Variants in TTC28 observed in about 807,000 individuals in gnomAD.
TTC28 encodes the protein tetratricopeptide repeat protein 28.
In TTC28, 61 loss-of-function variants were observed where a neutral mutation model predicts 198.0. That is an observed-to-expected ratio of 0.31 (90% CI 0.25 to 0.38). The LOEUF (loss-of-function observed/expected upper bound fraction) is 0.38, where lower values mean the gene tolerates loss of function less well. Ranked by LOEUF, TTC28 falls within the 10% of genes least tolerant of loss-of-function variation. The probability of loss-of-function intolerance (pLI) is 1.00; values close to 1 mark genes in which losing one functional copy is unlikely to be tolerated. For missense variants in TTC28, 2,678 were observed against 3,164.0 expected (o/e 0.85, Z 3.69); for synonymous variants, 1,171 against 1,297.8 (o/e 0.90, Z 2.10).
intron 2 of TTC28, among the ~76,000 whole-genome samples, chr22:28,424,666 C>T (rs935754102): frequency 6.6e-6 from 1 of 152,112 alleles, no homozygotes; most frequent in African/African-American, 2.4e-5. Flanking sequence ...TATTTGGCTT[C>T]GATATGAGGT....
At chr22:28,637,336 G>C (rs1320394850) in intron 1 of TTC28, among the ~76,000 whole-genome samples, 1 of 152,106 alleles carries the variant, frequency 6.6e-6, no homozygotes, top group Non-Finnish European at 1.5e-5. Context: ...AATCTATTTT[G>C]AGTTTATTTT....
intron 5 of TTC28, among the ~76,000 whole-genome samples, chr22:28,287,033 A>C (rs1364824766): frequency 2.0e-5 from 3 of 152,206 alleles, no homozygotes; most frequent in Admixed American, 1.3e-4. Flanking sequence ...ATTCTAAGAC[A>C]TACATATATG....
At chr22:28,534,942 G>C (rs904630091) in intron 2 of TTC28, among the ~76,000 whole-genome samples, 26 of 152,042 alleles carry the variant, frequency 1.7e-4, no homozygotes, top group African/African-American at 5.6e-4. Flanking sequence ...GGGGTAGTAT[G>C]AGGAGATATA....
intron 12 of TTC28, among the ~76,000 whole-genome samples, chr22:28,079,608 A>G (rs1381603673): frequency 1.3e-5 from 2 of 152,186 alleles, no homozygotes; most frequent in African/African-American, 4.8e-5. Flanking sequence ...AATCACACAC[A>G]AAAAGACAAA....
chr22:28,337,411 C>T lies in TTC28; in HGVS notation c.382-30768G>A, dbSNP rs536705482. Reference sequence around the variant, plus strand: ...GGATATCCTTGTTAACTTTCTGTCTCGTTGATCTGTCTAATGTTGACAGTG... The same window carrying T: ...GGATATCCTTGTTAACTTTCTGTCTTGTTGATCTGTCTAATGTTGACAGTG... On this transcript the variant is annotated intron_variant, in intron 2 of 22. Coordinates refer to ENST00000397906, the MANE Select transcript of TTC28 (RefSeq NM_001145418.2). 1.4e-4 allele frequency among the ~76,000 whole-genome samples: 21 copies of T among 152,180 alleles called. No homozygotes were observed. In the East Asian group the frequency reaches 2.3e-3, roughly 17 times the overall value.
chr22:27,983,402 TC>T lies in TTC28; in HGVS notation c.6264del (p.Thr2089GlnfsTer5). On this transcript the variant is annotated frameshift_variant, in exon 23 of 23. Transcript: ENST00000397906. LOFTEE classifies it low-confidence loss of function (END_TRUNC). ...ACCGAGACTCTCATGCCTCCGGCTGTCCCAGGTTGGGGTTGTTTGTGGTCTG... is the reference window on the plus strand; with the variant it reads ...ACCGAGACTCTCATGCCTCCGGCTGTCCAGGTTGGGGTTGTTTGTGGTCTG... ...FSPDHKQPQPGTAGGMRVSVS... is the reference protein window; with the variant it reads ...FSPDHKQPQPXTAGGMRVSVS... 1.3e-6 allele frequency: 2 copies of T among 1,551,340 alleles called. No homozygotes were observed. Among genetic ancestry groups the T allele is most frequent in the Non-Finnish European group, 1.7e-6 (2 of 1,147,026 alleles).
At chr22:28,276,559 A>G (rs1453613185) in intron 5 of TTC28, among the ~76,000 whole-genome samples, 1 of 152,190 alleles carries the variant, frequency 6.6e-6, no homozygotes, top group Non-Finnish European at 1.5e-5. Flanking sequence ...AATTAATAGA[A>G]CATCCCTAAT....
intron 6 of TTC28, among the ~76,000 whole-genome samples, chr22:28,120,337 G>A (rs1259953602): frequency 6.6e-6 from 1 of 151,904 alleles, no homozygotes; most frequent in African/African-American, 2.4e-5. Flanking sequence ...AACATTTTAG[G>A]GCTCTCATCT....
intron 2 of TTC28, among the ~76,000 whole-genome samples, chr22:28,389,270 C>T (rs1410691372): frequency 2.0e-5 from 3 of 152,148 alleles, no homozygotes; most frequent in South Asian, 4.2e-4. Flanking sequence ...ATTTTTGCAT[C>T]GATGTTCATC....
intron 5 of TTC28, among the ~76,000 whole-genome samples, chr22:28,232,388 C>G (rs1928879637): frequency 6.6e-6 from 1 of 152,216 alleles, no homozygotes; most frequent in African/African-American, 2.4e-5. Flanking sequence ...GGCAGCCTTT[C>G]AGGCATAGGA....
At chr22:28,059,047 T>C (rs1390508234) in intron 12 of TTC28, among the ~76,000 whole-genome samples, 1 of 151,998 alleles carries the variant, frequency 6.6e-6, no homozygotes, top group South Asian at 2.1e-4. Flanking sequence ...TCCAAAGAAG[T>C]GATTTTAGCT....
chr22:28,410,034 G>A (rs1056952909), intron 2 of TTC28, among the ~76,000 whole-genome samples: 1 of 151,940 alleles, frequency 6.6e-6, no homozygotes, highest in Non-Finnish European at 1.5e-5. Flanking sequence ...CGATTCTCCT[G>A]CCTCAGCCTG....
rs552983121 is a variant in TTC28 at position 28,151,570 on chromosome 22, GA to G, written c.1441+11521del. ...GGGTGACAAATCTTGACCTAAAGGA[GA>G]GAATAAATATTATTAATATGTATTA... is the stretch of plus-strand genomic sequence containing the variant. On this transcript the variant is annotated intron_variant, in intron 6 of 22. Transcript: ENST00000397906. Among the ~76,000 whole-genome samples the G allele has an allele frequency of 9.3e-4, 142 of 152,314 alleles. 1 individual carries two copies. The highest frequency in any genetic ancestry group is 3.2e-3 in the African/African-American group (135 of 41,572).
intron 2 of TTC28, among the ~76,000 whole-genome samples, chr22:28,620,209 G>A (rs897487594): frequency 6.6e-6 from 1 of 152,074 alleles, no homozygotes; most frequent in Non-Finnish European, 1.5e-5. Flanking sequence ...AATTAGCTGG[G>A]TATGGTGGTG....
chr22:28,045,194 T>A (rs1474911304), intron 12 of TTC28, among the ~76,000 whole-genome samples: 1 of 152,216 alleles, frequency 6.6e-6, no homozygotes, highest in East Asian at 1.9e-4. Flanking sequence ...AGTATCCTTA[T>A]CTGAAATGCT....
chr22:28,674,148 T>C (rs2145715680), intron 1 of TTC28, among the ~76,000 whole-genome samples: 2 of 152,238 alleles, frequency 1.3e-5, no homozygotes, highest in East Asian at 1.9e-4. Flanking sequence ...CTATGTGGTA[T>C]GAGAGACTTG....
intron 2 of TTC28, among the ~76,000 whole-genome samples, chr22:28,479,374 T>C (rs2048213518): frequency 6.6e-6 from 1 of 152,188 alleles, no homozygotes; most frequent in South Asian, 2.1e-4. Context: ...TACAAACCCG[T>C]TATGGTGACT....
intron 2 of TTC28, among the ~76,000 whole-genome samples, chr22:28,512,716 C>G (rs893760875): frequency 1.3e-5 from 2 of 152,046 alleles, no homozygotes; most frequent in East Asian, 3.9e-4. Flanking sequence ...TAAGTGGGAG[C>G]TGAATGGTGA....
chr22:28,164,296 G>C (rs1921615148), intron 5 of TTC28, among the ~76,000 whole-genome samples: 1 of 152,166 alleles, frequency 6.6e-6, no homozygotes, highest in South Asian at 2.1e-4. Context: ...GAAGAGAGTA[G>C]TGGTTCTCCC....
Sources: gnomAD v4.1 joint callset for allele counts (sites outside exome capture counted in the v4.1 genomes callset) on GRCh38, gnomAD v4.1.1 for gene constraint, MANE v1.5 for transcripts, NCBI Gene and HGNC (gene_info 2026-07-23, HGNC 2026-07-21) for gene names.